The following PTPRD variants were observed in gnomAD, a reference collection of about 807,000 sequenced individuals.
PTPRD encodes the protein receptor-type tyrosine-protein phosphatase delta.
A neutral mutation model predicts 214.5 loss-of-function variants in PTPRD; 34 were observed. The observed-to-expected ratio is 0.16, with a 90% CI of 0.12 to 0.21. The LOEUF is 0.21. Among genes scored for constraint, PTPRD ranks in the 10% least tolerant of loss-of-function variants. The pLI is 1.00. For missense variants in PTPRD, 2,545 were observed against 2,398.7 expected (o/e 1.06, Z -1.27); for synonymous variants, 1,128 against 845.7 (o/e 1.33, Z -5.79).
intron 9 of PTPRD, among the ~76,000 whole-genome samples, chr9:9,375,759 A>T (rs1351408180): frequency 6.6e-6 from 1 of 152,172 alleles, no homozygotes; most frequent in Non-Finnish European, 1.5e-5. Context: ...GAATTCATAG[A>T]GACATAAAGT....
intron 11 of PTPRD, among the ~76,000 whole-genome samples, chr9:8,735,262 G>C (rs111591701): frequency 6.7e-6 from 1 of 150,012 alleles, no homozygotes; most frequent in Non-Finnish European, 1.5e-5. Flanking sequence ...TCCTGTCTCA[G>C]CCACCCAAGT....
At chr9:9,835,011 C>G (rs1206298563) in intron 5 of PTPRD, among the ~76,000 whole-genome samples, 2 of 151,868 alleles carry the variant, frequency 1.3e-5, no homozygotes, top group Non-Finnish European at 2.9e-5. Flanking sequence ...CTTCTACCAC[C>G]TTCCTTTATT....
At chr9:9,317,307 CATTCAACCACCTGCTAAAT>C (rs1351916165) in intron 9 of PTPRD, among the ~76,000 whole-genome samples, 1 of 152,218 alleles carries the variant, frequency 6.6e-6, no homozygotes, top group Non-Finnish European at 1.5e-5. Context: ...AAATCCCATT[CATTCAACCACCTGCTAAAT>C]ATCTCTTTTC....
At chr9:9,197,196 C>T (rs1360787676) in intron 9 of PTPRD, among the ~76,000 whole-genome samples, 2 of 152,094 alleles carry the variant, frequency 1.3e-5, no homozygotes, top group African/African-American at 4.8e-5. Flanking sequence ...CAGAGCAAAG[C>T]CACACTTCCT....
chr9:10,579,814 G>A (rs1055367608), intron 2 of PTPRD, among the ~76,000 whole-genome samples: 10 of 152,080 alleles, frequency 6.6e-5, no homozygotes, highest in African/African-American at 2.2e-4. Context: ...ACTGGTGTGA[G>A]ATAATTCTCG....
chr9:8,652,649 T>C (rs1330262766), intron 12 of PTPRD, among the ~76,000 whole-genome samples: 1 of 152,234 alleles, frequency 6.6e-6, no homozygotes, highest in African/African-American at 2.4e-5. Context: ...TACTAGGGAT[T>C]CCACTTGTAT....
At chr9:9,685,218 A>G (rs1037653522) in intron 7 of PTPRD, among the ~76,000 whole-genome samples, 6 of 150,920 alleles carry the variant, frequency 4.0e-5, no homozygotes, top group African/African-American at 1.5e-4. Context: ...ACATACAATC[A>G]TTAAATGTGT....
At chr9:10,256,908 G>C (rs2093326728) in intron 3 of PTPRD, among the ~76,000 whole-genome samples, 1 of 152,104 alleles carries the variant, frequency 6.6e-6, no homozygotes, top group African/African-American at 2.4e-5. Context: ...TCACATCTTA[G>C]TTCCATCACT....
chr9:9,776,846 C>T (rs968937086), intron 5 of PTPRD, among the ~76,000 whole-genome samples: 1 of 152,188 alleles, frequency 6.6e-6, no homozygotes, highest in Non-Finnish European at 1.5e-5. Context: ...GCACACCAGA[C>T]AGCAAAGCCC....
rs535616762 is a variant in PTPRD, at chr9:9,034,988, G to T, written c.-142-16253C>A. ...CAGAATTCTCATCTCTTTGCAGGAG[G>T]GACTTCTGGGGACCTGTAAGAGAAC... On this transcript the variant is annotated intron_variant, in intron 10 of 45. Transcript: ENST00000381196. Among the ~76,000 whole-genome samples, 32 of 152,184 alleles carry T rather than the reference G, an allele frequency of 2.1e-4. No individual in the cohort carries two copies. The South Asian group carries it at 2.7e-3, about 13-fold the overall frequency.
intron 11 of PTPRD, among the ~76,000 whole-genome samples, chr9:8,799,136 G>A (rs1393656419): frequency 1.3e-5 from 2 of 152,080 alleles, no homozygotes; most frequent in Non-Finnish European, 2.9e-5. Flanking sequence ...AGAGTCCACA[G>A]GTATCTATAA....
intron 3 of PTPRD, among the ~76,000 whole-genome samples, chr9:10,238,095 A>G (rs555628794): frequency 6.6e-6 from 1 of 151,278 alleles, no homozygotes; most frequent in Non-Finnish European, 1.5e-5. Context: ...GCCATTTTGT[A>G]TTACTTCACA....
intron 3 of PTPRD, among the ~76,000 whole-genome samples, chr9:10,047,323 TGTGTGTGTGTGTGTGC>T (rs2097422571): frequency 6.7e-6 from 1 of 150,008 alleles, no homozygotes; most frequent in African/African-American, 2.5e-5. Context: ...TGTGTGTGTG[TGTGTGTGTGTGTGTGC>T]GTGTGTGTGT....
At chr9:9,857,233 T>A (rs2061726989) in intron 5 of PTPRD, among the ~76,000 whole-genome samples, 1 of 152,186 alleles carries the variant, frequency 6.6e-6, no homozygotes, top group South Asian at 2.1e-4. Context: ...CATTTTCATG[T>A]TTTTGTCTTT....
At chr9:8,522,715 T>C (rs1229366090) in intron 19 of PTPRD, among the ~76,000 whole-genome samples, 1 of 152,186 alleles carries the variant, frequency 6.6e-6, no homozygotes, top group Non-Finnish European at 1.5e-5. Flanking sequence ...TTGGATGTGA[T>C]ACAAGGAGAA....
chr9:8,856,990 A>G (rs2154544482), intron 11 of PTPRD, among the ~76,000 whole-genome samples: 1 of 152,276 alleles, frequency 6.6e-6, no homozygotes, highest in South Asian at 2.1e-4. Context: ...GTTTCTTACA[A>G]CTTTGACTCT....
intron 9 of PTPRD, among the ~76,000 whole-genome samples, chr9:9,265,582 C>T (rs927420821): frequency 6.6e-6 from 1 of 151,310 alleles, no homozygotes; most frequent in African/African-American, 2.4e-5. Flanking sequence ...AAAAATAGGA[C>T]ATGTATCTAG....
chr9:8,720,842 C>A (rs1001905492), intron 12 of PTPRD, among the ~76,000 whole-genome samples: 1 of 152,068 alleles, frequency 6.6e-6, no homozygotes, highest in Admixed American at 6.5e-5. Flanking sequence ...CTACAATGAA[C>A]CTGGATAACT....
At chr9:9,444,479 G>A (rs547626540) in intron 8 of PTPRD, among the ~76,000 whole-genome samples, 51 of 152,144 alleles carry the variant, frequency 3.4e-4, no homozygotes, top group Non-Finnish European at 6.3e-4. Flanking sequence ...GCATTTTAGA[G>A]TTTGCAGATG....
Sources: gnomAD v4.1 joint callset for allele counts (sites outside exome capture counted in the v4.1 genomes callset) on GRCh38, gnomAD v4.1.1 for gene constraint, MANE v1.5 for transcripts, NCBI Gene and HGNC (gene_info 2026-07-23, HGNC 2026-07-21) for gene names.